Variants in VMA22 observed in about 807,000 individuals in gnomAD.
The protein encoded by VMA22 is vacuolar ATPase assembly factor VMA22.
chr2:130,341,725 C>T, the VMA22 span: 3 of 1,611,632 alleles, frequency 1.9e-6, no homozygotes, highest in African/African-American at 1.3e-5. Flanking sequence ...CCACCTTGAA[C>T]TTCTGGAGTC....
the VMA22 span, chr2:130,339,353 A>G: frequency 1.5e-6 from 2 of 1,343,950 alleles, no homozygotes; most frequent in Non-Finnish European, 2.0e-6. Flanking sequence ...ACTTGTCCCA[A>G]AACATTCCAG....
chr2:130,340,928 G>A, the VMA22 span: 2 of 1,614,120 alleles, frequency 1.2e-6, no homozygotes, highest in East Asian at 2.2e-5. Context: ...GCTTGCTTGA[G>A]CCTGACGTAG....
the VMA22 span, chr2:130,341,490 C>T: frequency 1.7e-6 from 1 of 595,168 alleles, no homozygotes; most frequent in Non-Finnish European, 3.0e-6. Flanking sequence ...AGCAACTCAC[C>T]AACAATTTCT....
the VMA22 span, chr2:130,342,036 C>CA: frequency 6.2e-7 from 1 of 1,614,020 alleles, no homozygotes; most frequent in Non-Finnish European, 8.5e-7. Context: ...GGGCGTTCAA[C>CA]ACCGTTCGTT....
the VMA22 span, chr2:130,339,663 G>A: frequency 3.0e-3 from 3,940 of 1,304,712 alleles, 189 homozygotes; most frequent in East Asian, 0.14. Context: ...CCAGTCCTCC[G>A]GGCAGCTCTC....
At chr2:130,341,756 G>A in the VMA22 span, 17 of 1,610,800 alleles carry the variant, frequency 1.1e-5, no homozygotes, top group Admixed American at 6.7e-5. Flanking sequence ...CTCGCTGAAG[G>A]ACGAGAAGGG....
chr2:130,342,382 T>C, the VMA22 span: 1 of 636,132 alleles, frequency 1.6e-6, no homozygotes, highest in African/African-American at 1.8e-5. Context: ...GCTAGGGTTA[T>C]AGGTGGTTCT....
the VMA22 span, chr2:130,340,764 T>TA: frequency 1.1e-6 from 1 of 944,028 alleles, no homozygotes; most frequent in Non-Finnish European, 1.6e-6. Context: ...TTGGAAAAAA[T>TA]AATGGGTGTA....
At chr2:130,339,102 T>C in the VMA22 span, 2 of 1,588,282 alleles carry the variant, frequency 1.3e-6, no homozygotes, top group Non-Finnish European at 8.6e-7. Context: ...CTCGCTGCCC[T>C]GCCTCTTTGC....
At chr2:130,341,824 C>T in the VMA22 span, 1 of 1,567,158 alleles carries the variant, frequency 6.4e-7, no homozygotes, top group Non-Finnish European at 8.7e-7. Context: ...CCCAGCCCAG[C>T]ATGGAAGCTT....
the VMA22 span, chr2:130,340,749 T>C: frequency 6.1e-6 from 5 of 815,666 alleles, no homozygotes; most frequent in Non-Finnish European, 3.9e-6. Context: ...AACCAGTAAA[T>C]GCTTTTGGAA....
At chr2:130,339,974 A>G in the VMA22 span, 1 of 532,652 alleles carries the variant, frequency 1.9e-6, no homozygotes, top group Non-Finnish European at 2.9e-6. Context: ...AACTCCAGAT[A>G]CATGTGCCCA....
chr2:130,340,049 C>T, the VMA22 span: 47 of 222,894 alleles, frequency 2.1e-4, no homozygotes, highest in African/African-American at 9.5e-4. Context: ...CAACTCCTGC[C>T]TTCTGGAATC....
At chr2:130,341,801 G>GCCCC in the VMA22 span, 1 of 1,378,140 alleles carries the variant, frequency 7.3e-7, no homozygotes, top group Non-Finnish European at 9.9e-7. Context: ...CCTAGAACGC[G>GCCCC]CCCGCCCGCC....
At chr2:130,339,778 G>A in the VMA22 span, 2 of 1,303,108 alleles carry the variant, frequency 1.5e-6, no homozygotes, top group South Asian at 2.5e-5. Context: ...CCCAGGTGTT[G>A]CTCCTCAGTT....
the VMA22 span, chr2:130,341,733 G>C: frequency 1.2e-6 from 2 of 1,611,436 alleles, no homozygotes; most frequent in East Asian, 4.5e-5. Context: ...AACTTCTGGA[G>C]TCCCTCCTGG....
the VMA22 span, chr2:130,340,672 A>G: frequency 7.2e-6 from 4 of 554,636 alleles, no homozygotes; most frequent in Non-Finnish European, 1.3e-5. Flanking sequence ...CATTACATGA[A>G]AAGTGTTTGT....
At chr2:130,339,612 T>G in the VMA22 span, 1 of 1,304,994 alleles carries the variant, frequency 7.7e-7, no homozygotes, top group South Asian at 1.2e-5. Context: ...GATCCACCTC[T>G]AGATGGCTTT....
At chr2:130,341,575 T>C in the VMA22 span, 2 of 1,129,370 alleles carry the variant, frequency 1.8e-6, no homozygotes, top group African/African-American at 1.5e-5. Context: ...ATGCTCTCTC[T>C]TATCGCAAAA....
Sources: gnomAD v4.1 joint callset for allele counts on GRCh38, gnomAD v4.1.1 for gene constraint, MANE v1.5 for transcripts, NCBI Gene and HGNC (gene_info 2026-07-23, HGNC 2026-07-21) for gene names.